The following SIRPG variants were observed in gnomAD, a reference collection of about 807,000 sequenced individuals.
The protein encoded by SIRPG is signal-regulatory protein gamma.
A neutral mutation model predicts 35.7 loss-of-function variants in SIRPG; 38 were observed. The ratio of observed to expected loss-of-function variants is 1.06; its 90% confidence interval spans 0.82 to 1.40. The LOEUF (loss-of-function observed/expected upper bound fraction) is 1.40. Among genes scored for constraint, SIRPG ranks in the 40% most tolerant of loss-of-function variants. The pLI is 0.00. For synonymous variants in SIRPG, 215 were observed against 190.4 expected, an observed-to-expected ratio of 1.13 and a Z score of -1.06; for missense variants, 519 against 483.0, an observed-to-expected ratio of 1.07 and a Z score of -0.70.
At chr20:1,642,615 T>C (rs2091862093) in intron 2 of SIRPG, among the ~76,000 whole-genome samples, 1 of 152,248 alleles carries the variant, frequency 6.6e-6, no homozygotes. Flanking sequence ...GTCTTCATGA[T>C]GCTATCTGAT....
At chr20:1,664,911 G>A in the SIRPG span, among the ~76,000 whole-genome samples, 1 of 129,718 alleles carries the variant, frequency 7.7e-6, no homozygotes, top group Non-Finnish European at 1.7e-5. Flanking sequence ...GGGCTTCTCA[G>A]CATTACTCTA....
chr20:1,630,145 G>C, intron 5 of SIRPG, 77 bp downstream of exon 5: 1 of 1,110,194 alleles, frequency 9.0e-7, no homozygotes, highest in Non-Finnish European at 1.3e-6. Flanking sequence ...GTGCTGCATG[G>C]CATGTGGGCT....
intron 2 of SIRPG, among the ~76,000 whole-genome samples, chr20:1,643,127 T>C (rs998981835): frequency 6.6e-6 from 1 of 152,228 alleles, no homozygotes; most frequent in Non-Finnish European, 1.5e-5. Flanking sequence ...TCTTGCTAGG[T>C]TGGGGAAGTT....
At chr20:1,681,418 A>G in the SIRPG span, among the ~76,000 whole-genome samples, 1 of 151,960 alleles carries the variant, frequency 6.6e-6, no homozygotes, top group Non-Finnish European at 1.5e-5. Context: ...TTCCTTATCT[A>G]TGTGTGTGTG....
chr20:1,675,181 C>T, the SIRPG span, among the ~76,000 whole-genome samples: 9 of 152,176 alleles, frequency 5.9e-5, no homozygotes, highest in African/African-American at 1.7e-4. Context: ...TCACCCACTA[C>T]GAAATACCTC....
the SIRPG span, among the ~76,000 whole-genome samples, chr20:1,671,879 G>T: frequency 1.3e-5 from 2 of 152,226 alleles, no homozygotes; most frequent in Admixed American, 6.5e-5. Flanking sequence ...GGGTGGGCCA[G>T]GTGTTCCTTG....
chr20:1,638,209 G>A (rs1031485576), intron 2 of SIRPG, among the ~76,000 whole-genome samples: 1 of 152,156 alleles, frequency 6.6e-6, no homozygotes, highest in African/African-American at 2.4e-5. Flanking sequence ...CCTCGTGTGA[G>A]TCCCTTATAG....
intron 2 of SIRPG, among the ~76,000 whole-genome samples, chr20:1,644,373 G>A (rs542771272): frequency 8.5e-5 from 13 of 152,206 alleles, no homozygotes; most frequent in African/African-American, 2.7e-4. Flanking sequence ...GTTGGGCTGT[G>A]GGGGATACCT....
chr20:1,674,894 AT>A, the SIRPG span, among the ~76,000 whole-genome samples: 392 of 152,332 alleles, frequency 2.6e-3, 2 homozygotes, highest in African/African-American at 8.8e-3. Flanking sequence ...GCTGAGAGAA[AT>A]GAAGGCACTG....
Position 1,640,349 on chromosome 20 carries a change from C to A in SIRPG, c.431-3844G>T, listed in dbSNP as rs543104044. ...ATCCCTTGTAAGTTGTATTCCTAGG[C>A]ATTTTATTCTCTTTGTACCAATTGT... On this transcript the variant is annotated intron_variant, in intron 2 of 5. Transcript: ENST00000303415. 5.3e-5 allele frequency among the ~76,000 whole-genome samples: 8 copies of A among 152,114 alleles called. No homozygotes were observed. The South Asian group carries it at 1.5e-3, about 28-fold the overall frequency.
the SIRPG span, among the ~76,000 whole-genome samples, chr20:1,669,064 A>T: frequency 6.6e-6 from 1 of 152,226 alleles, no homozygotes; most frequent in Admixed American, 6.5e-5. Flanking sequence ...AGAGGGAAAC[A>T]GGACATATTT....
At chr20:1,673,885 C>A in the SIRPG span, among the ~76,000 whole-genome samples, 1 of 152,182 alleles carries the variant, frequency 6.6e-6, no homozygotes, top group African/African-American at 2.4e-5. Context: ...GCTGTTTAAA[C>A]ACAAACTTGT....
intron 2 of SIRPG, among the ~76,000 whole-genome samples, chr20:1,642,548 G>C (rs1464722953): frequency 6.6e-6 from 1 of 152,056 alleles, no homozygotes; most frequent in Admixed American, 6.5e-5. Flanking sequence ...TCTTTTAATC[G>C]GGGGATTTAA....
At chr20:1,653,222 A>C (rs1399919184) in intron 1 of SIRPG, among the ~76,000 whole-genome samples, 1 of 152,246 alleles carries the variant, frequency 6.6e-6, no homozygotes, top group Non-Finnish European at 1.5e-5. Context: ...CTCTAGAGTC[A>C]GAGTGCCTGA....
chr20:1,635,211 T>C (rs2091786831), intron 4 of SIRPG, 56 bp downstream of exon 4: 1 of 1,367,744 alleles, frequency 7.3e-7, no homozygotes, highest in South Asian at 1.4e-5. Flanking sequence ...CAAGTGTGGA[T>C]ATTACTTTTA....
the SIRPG span, among the ~76,000 whole-genome samples, chr20:1,685,704 T>G: frequency 6.6e-6 from 1 of 152,092 alleles, no homozygotes; most frequent in Non-Finnish European, 1.5e-5. Context: ...GTGGTAACAC[T>G]GAGATTACAG....
intron 4 of SIRPG, 39 bp downstream of exon 4, chr20:1,635,228 G>A (rs767315837): frequency 1.7e-5 from 26 of 1,512,528 alleles, no homozygotes; most frequent in Non-Finnish European, 2.2e-5. Context: ...TTTAAAATGA[G>A]AGAAAAAGAC....
the SIRPG span, among the ~76,000 whole-genome samples, chr20:1,667,219 AC>A: frequency 6.6e-6 from 1 of 152,078 alleles, no homozygotes; most frequent in Non-Finnish European, 1.5e-5. Flanking sequence ...ATACACAAAA[AC>A]TACTGTGTTC....
chr20:1,675,648 T>A, the SIRPG span, among the ~76,000 whole-genome samples: 78 of 152,328 alleles, frequency 5.1e-4, no homozygotes, highest in Non-Finnish European at 9.8e-4. Context: ...TAGTGCCTCA[T>A]CTTTAACCCA....
Sources: allele counts gnomAD v4.1 joint callset (sites outside exome capture counted in the v4.1 genomes callset), GRCh38; gene constraint gnomAD v4.1.1; transcripts MANE v1.5; gene names NCBI Gene and HGNC (gene_info 2026-07-23, HGNC 2026-07-21).